The following KCND3 variants were observed in gnomAD, a reference collection of about 807,000 sequenced individuals.
KCND3 encodes the protein potassium voltage-gated channel subfamily D member 3, also known as A-type voltage-gated potassium channel KCND3.
In KCND3, 9 loss-of-function variants were observed where a neutral mutation model predicts 51.1. The ratio of observed to expected loss-of-function variants is 0.18; its 90% confidence interval spans 0.11 to 0.31. The LOEUF (loss-of-function observed/expected upper bound fraction) is 0.31, where lower values mean the gene tolerates loss of function less well. Ranked by LOEUF, KCND3 falls within the 10% of genes least tolerant of loss-of-function variation. The probability of loss-of-function intolerance (pLI) is 1.00; values close to 1 mark genes in which losing one functional copy is unlikely to be tolerated. For synonymous variants in KCND3, 349 were observed against 368.0 expected (o/e 0.95, Z 0.59); for missense variants, 526 against 903.8 (o/e 0.58, Z 5.36).
rs151302285 is a variant in KCND3 at position 111,982,421 on chromosome 1, C to G, written c.306G>C (p.Lys102Asn). ...TGCACTCGTAGCGCGGGTAGTGCAG[C>G]TTCCCCGTGCGGTAGAAGTTGAGCA... ...RCVLNFYRTGKLHYPRYECIS... is the reference protein window; with the variant it reads ...RCVLNFYRTGNLHYPRYECIS... Residue 102 changes from lysine to asparagine, a missense_variant, in exon 2 of 8, where the codon AAG (lysine) becomes AAC (asparagine). This residue lies in a region of KCND3 where 159 missense variants were observed against 262.8 expected (regional missense o/e 0.61). Coordinates refer to ENST00000302127, the MANE Select transcript of KCND3 (RefSeq NM_001378969.1). The surrounding 1 kb of genome is among the most constrained non-coding windows in gnomAD (Gnocchi z 8.5). 3 of 1,614,142 alleles carry G rather than the reference C, an allele frequency of 1.9e-6. No individual in the cohort carries two copies. Among genetic ancestry groups the G allele is most frequent in the Non-Finnish European group, 2.5e-6 (3 of 1,179,972 alleles).
Position 111,982,487 on chromosome 1 carries a change from C to T in KCND3, c.240G>A (p.Lys80=), listed in dbSNP as rs1438705247. Residue 80 remains lysine, a synonymous_variant, in exon 2 of 8, where the codon AAG becomes AAA. Coordinates refer to ENST00000302127, the MANE Select transcript of KCND3 (RefSeq NM_001378969.1). This position sits in a 1 kb window ranked among gnomAD's most constrained non-coding sequence, Gnocchi z 8.5. The part of the protein sequence containing the change: ...EKEFFFNEDT[K]EYFFDRDPEV... ...CGGGGTCCCGGTCGAAGAAGTACTC[C>T]TTGGTGTCCTCGTTGAAGAAGAACT... 1.2e-6 allele frequency: 2 copies of T among 1,609,084 alleles called. No homozygotes were observed. Among genetic ancestry groups the T allele is most frequent in the African/African-American group, 1.3e-5 (1 of 74,840 alleles).
chr1:111,913,475 A>T (rs1671058493), intron 2 of KCND3, among the ~76,000 whole-genome samples: 1 of 152,258 alleles, frequency 6.6e-6, no homozygotes, highest in East Asian at 1.9e-4. Context: ...TTACCCTAAG[A>T]GATCTTAAAG....
chr1:111,899,537 G>T (rs1358422378), intron 2 of KCND3, among the ~76,000 whole-genome samples: 2 of 152,186 alleles, frequency 1.3e-5, no homozygotes, highest in Non-Finnish European at 2.9e-5. Flanking sequence ...AAACCCAATG[G>T]CAATTTCTGT....
At chr1:111,941,807 G>C (rs1359110303) in intron 2 of KCND3, among the ~76,000 whole-genome samples, 1 of 152,208 alleles carries the variant, frequency 6.6e-6, no homozygotes, top group Non-Finnish European at 1.5e-5. Context: ...AACTGCCTTT[G>C]ACATAGGAAA....
chr1:111,771,555 C>T lies in KCND3; in HGVS notation c.*4522G>A, dbSNP rs1571615965. On this transcript the variant is annotated 3_prime_UTR_variant, in exon 8 of 8. Transcript: ENST00000302127. ...GTAACCTCGAAATCTAGTGTTAGCT[C>T]AATTTTCAACCACTTCCTCTGCAAA... 1 of 152,146 alleles carries T rather than the reference C, an allele frequency of 6.6e-6. No homozygotes were observed. Among genetic ancestry groups the T allele is most frequent in the Non-Finnish European group, 1.5e-5 (1 of 68,024 alleles). 9.4% of individuals were successfully genotyped at this position (152,146 alleles called of 1,614,324 possible).
Position 111,962,351 on chromosome 1 carries a change from G to A in KCND3, c.1106+19270C>T, listed in dbSNP as rs184216687. ...GGGTCTGACCTGCCCGGGCAGCACA[G>A]GGCGCTGCTGAGACTGCAATCATGA... On this transcript the variant is annotated intron_variant, in intron 2 of 7. Transcript: ENST00000302127. Among the ~76,000 whole-genome samples the A allele has an allele frequency of 3.4e-4, 52 of 152,326 alleles. 1 individual carries two copies. Among genetic ancestry groups the A allele is most frequent in the Admixed American group, 3.1e-3 (48 of 15,306 alleles).
intron 2 of KCND3, among the ~76,000 whole-genome samples, chr1:111,967,193 G>A (rs1178008448): frequency 4.0e-5 from 6 of 151,880 alleles, no homozygotes; most frequent in Non-Finnish European, 8.8e-5. Flanking sequence ...CGGGGTCGGG[G>A]GGTAAACTCC....
chr1:111,953,594 G>A (rs1673166682), intron 2 of KCND3, among the ~76,000 whole-genome samples: 1 of 152,226 alleles, frequency 6.6e-6, no homozygotes, highest in East Asian at 1.9e-4. Context: ...AACTGAGAAG[G>A]GAGTTGAGTG....
At chr1:111,854,638 A>G (rs1329472500) in intron 2 of KCND3, among the ~76,000 whole-genome samples, 2 of 152,248 alleles carry the variant, frequency 1.3e-5, no homozygotes, top group Non-Finnish European at 1.5e-5. Flanking sequence ...AAAGGGCAGC[A>G]GTACAAAGTG....
At chr1:111,902,481 C>G (rs900966959) in intron 2 of KCND3, among the ~76,000 whole-genome samples, 1 of 152,190 alleles carries the variant, frequency 6.6e-6, no homozygotes, top group Admixed American at 6.5e-5. Flanking sequence ...GACACAGTGT[C>G]TAACACCACA....
chr1:111,877,491 T>C (rs1418522207), intron 2 of KCND3, among the ~76,000 whole-genome samples: 1 of 152,104 alleles, frequency 6.6e-6, no homozygotes, highest in Non-Finnish European at 1.5e-5. Context: ...ACTTCCTACA[T>C]GGCCATATCA....
chr1:111,870,497 A>G (rs1410335235), intron 2 of KCND3, among the ~76,000 whole-genome samples: 1 of 152,196 alleles, frequency 6.6e-6, no homozygotes, highest in Non-Finnish European at 1.5e-5. Context: ...GGCTTCAATT[A>G]GAGGGTCAGC....
At chr1:111,921,289 C>T (rs926951582) in intron 2 of KCND3, among the ~76,000 whole-genome samples, 3 of 152,172 alleles carry the variant, frequency 2.0e-5, no homozygotes, top group Non-Finnish European at 4.4e-5. Context: ...CTTTTACAGC[C>T]GTACAGCATA....
In KCND3 at chr1:111,982,840, T is replaced by G. The variant is rs72548722; in HGVS notation, c.-72-42A>C. ...GAGAGAGAGAAGCGGTGAGTCCATA[T>G]CGACTGGCAGGTAAGAAATGGGACA... On this transcript the variant is annotated intron_variant, in intron 1 of 7. Coordinates refer to ENST00000302127, the MANE Select transcript of KCND3 (RefSeq NM_001378969.1). This position sits in a 1 kb window ranked among gnomAD's most constrained non-coding sequence, Gnocchi z 8.5. 2.8e-6 allele frequency: 4 copies of G among 1,414,340 alleles called. No homozygotes were observed. The highest frequency in any genetic ancestry group is 3.8e-6 in the Non-Finnish European group (4 of 1,039,942). The allele number at this position is 1,414,340 out of a possible 1,614,324, so 87.6% of individuals were successfully genotyped here. A position where few individuals can be genotyped will look rare whatever the true frequency, so the allele number is the denominator to read the frequency against.
chr1:111,892,828 G>A (rs185524174), intron 2 of KCND3, among the ~76,000 whole-genome samples: 1 of 152,200 alleles, frequency 6.6e-6, no homozygotes, highest in Non-Finnish European at 1.5e-5. Flanking sequence ...ATGAACAAAA[G>A]AGAAGTAGGA....
chr1:111,776,973 C>A (rs1365615393), intron 7 of KCND3, 53 bp downstream of exon 7: 1 of 1,611,144 alleles, frequency 6.2e-7, no homozygotes, highest in Non-Finnish European at 8.5e-7. Context: ...TTGTCTAATT[C>A]TGTGAATGGG....
At chr1:111,871,410 G>T (rs1167634162) in intron 2 of KCND3, among the ~76,000 whole-genome samples, 1 of 152,146 alleles carries the variant, frequency 6.6e-6, no homozygotes, top group Non-Finnish European at 1.5e-5. Flanking sequence ...AGAGCCAGCT[G>T]GTAACACAAT....
intron 2 of KCND3, among the ~76,000 whole-genome samples, chr1:111,903,415 C>G (rs1272437485): frequency 1.3e-5 from 2 of 152,216 alleles, no homozygotes; most frequent in Non-Finnish European, 2.9e-5. Flanking sequence ...AGACAGCACC[C>G]ACTCAGTATG....
Position 111,785,747 on chromosome 1 carries a change from C to T in KCND3, c.1269+1197G>A, listed in dbSNP as rs72980104. Among the ~76,000 whole-genome samples, 1,442 of 152,194 alleles carry T rather than the reference C, an allele frequency of 9.5e-3. 16 individuals carry two copies. Among genetic ancestry groups the T allele is most frequent in the African/African-American group, 0.033 (1,383 of 41,528 alleles). ...TTCTGAAATTCTGGATTTCTTCCTC[C>T]ATAACGACATTAACTTCCCTTTGAG... is the stretch of plus-strand genomic sequence containing the variant. On this transcript the variant is annotated intron_variant, in intron 3 of 7. Coordinates refer to ENST00000302127, the MANE Select transcript of KCND3 (RefSeq NM_001378969.1).
Sources: gnomAD v4.1 joint callset for allele counts (sites outside exome capture counted in the v4.1 genomes callset) on GRCh38, gnomAD v4.1.1 for gene constraint, gnomAD v4.1.1 regional missense constraint, Gnocchi (gnomAD v3.1) non-coding constraint, MANE v1.5 for transcripts, NCBI Gene and HGNC (gene_info 2026-07-23, HGNC 2026-07-21) for gene names.